The following PRPSAP2 variants were observed in gnomAD, a reference collection of about 807,000 sequenced individuals.
PRPSAP2 encodes the protein phosphoribosyl pyrophosphate synthase-associated protein 2.
Under a neutral mutation model 40.6 loss-of-function variants are expected in PRPSAP2, and 24 were observed. That is an observed-to-expected ratio of 0.59 (90% CI 0.43 to 0.83). The LOEUF (loss-of-function observed/expected upper bound fraction) is 0.83. PRPSAP2 is among the 40% of genes least tolerant of loss of function. The probability of loss-of-function intolerance (pLI) is 0.00; values close to 1 mark genes in which losing one functional copy is unlikely to be tolerated. For synonymous variants in PRPSAP2, 149 were observed against 164.7 expected, an observed-to-expected ratio of 0.90 and a Z score of 0.73; for missense variants, 292 against 465.6, an observed-to-expected ratio of 0.63 and a Z score of 3.43.
chr17:18,927,702 T>C (rs189651312), intron 10 of PRPSAP2, among the ~76,000 whole-genome samples: 55 of 152,314 alleles, frequency 3.6e-4, no homozygotes, highest in African/African-American at 1.3e-3. Flanking sequence ...AGATATACTC[T>C]TATAAGAGAC....
At chr17:18,926,235 C>CTTT (rs2041960735) in intron 10 of PRPSAP2, among the ~76,000 whole-genome samples, 1 of 129,816 alleles carries the variant, frequency 7.7e-6, no homozygotes, top group African/African-American at 2.9e-5. Context: ...AGTGCCACTG[C>CTTT]ATTATTTATT....
At chr17:18,867,673 G>A (rs1349861014) in intron 4 of PRPSAP2, among the ~76,000 whole-genome samples, 1 of 152,124 alleles carries the variant, frequency 6.6e-6, no homozygotes, top group Admixed American at 6.5e-5. Flanking sequence ...AGTAAATCCT[G>A]TCACCTTAGA....
chr17:18,920,027 G>A (rs531621526), intron 9 of PRPSAP2, among the ~76,000 whole-genome samples: 1 of 152,148 alleles, frequency 6.6e-6, no homozygotes, highest in East Asian at 1.9e-4. Flanking sequence ...TGTTGGTGCT[G>A]GGGGGTAGGC....
Position 18,865,927 on chromosome 17 carries a change from A to T in PRPSAP2, c.94A>T (p.Met32Leu). Residue 32 changes from methionine to leucine, a missense_variant, in exon 3 of 12, where the codon ATG (methionine) becomes TTG (leucine). Physicochemically the swap from Met to Leu is conservative, Grantham distance 15 (BLOSUM62 2). This residue lies in a region of PRPSAP2 where 51 missense variants were observed against 40.0 expected (regional missense o/e 1.28). Coordinates refer to ENST00000268835, the MANE Select transcript of PRPSAP2 (RefSeq NM_002767.4). ...TTCAGCAAACTCGAATTCATCATGT[A>T]TGGAGCTATCAAAGAAAATTGCAGA... ...LFSANSNSSC[M>L]ELSKKIAERL... 1 of 1,485,006 alleles carries T rather than the reference A, an allele frequency of 6.7e-7. No individual in the cohort carries two copies. The highest frequency in any genetic ancestry group is 9.1e-7 in the Non-Finnish European group (1 of 1,103,368). The allele number at this position is 1,485,006 out of a possible 1,614,324, so 92.0% of individuals were successfully genotyped here.
rs755179012 is a variant in PRPSAP2, at chr17:18,882,533, A to C, written c.413-35A>C. 11 of 1,382,058 alleles carry C rather than the reference A, an allele frequency of 8.0e-6. No homozygotes were observed. In the East Asian group the frequency reaches 2.5e-4, roughly 32 times the overall value. 85.6% of individuals were successfully genotyped at this position (1,382,058 alleles called of 1,614,324 possible). On this transcript the variant is annotated intron_variant, in intron 6 of 11. Transcript: ENST00000268835. ...CTTAAAAAAAAAAAACAAAAACAAA[A>C]CTATTTATTGCTTGTGTCTGCTTTA...
upstream of PRPSAP2, chr17:18,856,304 C>A (rs1430273045): frequency 1.3e-5 from 2 of 152,176 alleles, no homozygotes; most frequent in African/African-American, 4.8e-5. Context: ...CAGTCACATG[C>A]CAACATGTGA....
intron 6 of PRPSAP2, among the ~76,000 whole-genome samples, chr17:18,882,354 A>G (rs1456029012): frequency 6.6e-6 from 1 of 151,886 alleles, no homozygotes; most frequent in Admixed American, 6.6e-5. Context: ...TCTACTAAAA[A>G]TACAGAATTA....
chr17:18,892,469 C>A (rs1331248677), intron 8 of PRPSAP2, among the ~76,000 whole-genome samples: 1 of 152,186 alleles, frequency 6.6e-6, no homozygotes, highest in Non-Finnish European at 1.5e-5. Context: ...GTTCCAACTT[C>A]TCCACATCTT....
chr17:18,877,954 C>T (rs1043801957), intron 6 of PRPSAP2, 84 bp downstream of exon 6: 5 of 1,399,844 alleles, frequency 3.6e-6, no homozygotes, highest in Non-Finnish European at 4.9e-6. Context: ...CAGGGTCTTG[C>T]CCTGTCACCT....
At chr17:18,925,241 T>C (rs1339333130) in intron 10 of PRPSAP2, among the ~76,000 whole-genome samples, 2 of 152,150 alleles carry the variant, frequency 1.3e-5, no homozygotes, top group African/African-American at 4.8e-5. Context: ...TTTTAAAGAA[T>C]AGAATGAACA....
intron 9 of PRPSAP2, among the ~76,000 whole-genome samples, chr17:18,916,773 G>A (rs1459788878): frequency 1.3e-5 from 2 of 152,232 alleles, no homozygotes; most frequent in African/African-American, 4.8e-5. Context: ...ATTGGTGTCT[G>A]ATGAGGGCTC....
At chr17:18,888,098 A>G (rs1828862757) in intron 7 of PRPSAP2, among the ~76,000 whole-genome samples, 1 of 42,306 alleles carries the variant, frequency 2.4e-5, no homozygotes, top group African/African-American at 1.0e-4. Flanking sequence ...CACATCTTGC[A>G]CCGCCCTTAA....
rs1210228907 is a variant in PRPSAP2, at chr17:18,862,827, A to ATTTG, written c.-128-2639_-128-2638insGTTT. Among the ~76,000 whole-genome samples, 28 of 145,790 alleles carry ATTTG rather than the reference A, an allele frequency of 1.9e-4. 1 individual carries two copies. The highest frequency in any genetic ancestry group is 6.0e-4 in the African/African-American group (24 of 39,816). ...TATTTATTTATTTATTTATTTATTT[A>ATTTG]TTTATTTTTCTGAGACAGAGTCTCG... On this transcript the variant is annotated intron_variant, in intron 1 of 11. Transcript: ENST00000268835.
Position 18,930,538 on chromosome 17 carries a change from A to C in PRPSAP2, c.952-2A>C. 6.2e-7 allele frequency: 1 copy of C among 1,610,504 alleles called. No homozygotes were observed. On this transcript the variant is annotated splice_acceptor_variant, in intron 11 of 11. Coordinates refer to ENST00000268835, the MANE Select transcript of PRPSAP2 (RefSeq NM_002767.4). LOFTEE classifies it high-confidence loss of function. ...TGTGGTTTTTTTTCTTTTGCTTCAC[A>C]GGTGGTGGTCACCAATACAATTCCA...
At chr17:18,876,205 T>G (rs1291604011) in intron 5 of PRPSAP2, among the ~76,000 whole-genome samples, 1 of 152,206 alleles carries the variant, frequency 6.6e-6, no homozygotes, top group Non-Finnish European at 1.5e-5. Flanking sequence ...TACAGATTAG[T>G]GCTAGCACTA....
In PRPSAP2 at chr17:18,867,681, A is replaced by G. The variant is rs369053862; in HGVS notation, c.172+347A>G. Among the ~76,000 whole-genome samples the G allele has an allele frequency of 2.6e-5, 4 of 152,336 alleles. No homozygotes were observed. The East Asian group carries it at 5.8e-4, about 22-fold the overall frequency. On this transcript the variant is annotated intron_variant, in intron 4 of 11. Transcript: ENST00000268835. ...AAGGATGAGTAAATCCTGTCACCTTAGACAGGATGACTAAATCCTGTGTGA... is the reference window on the plus strand; with the variant it reads ...AAGGATGAGTAAATCCTGTCACCTTGGACAGGATGACTAAATCCTGTGTGA...
Position 18,914,249 on chromosome 17 carries a change from C to CTTTTTTTTTTTTTTTTTTTTTTTT in PRPSAP2, c.733+3001_733+3024dup, listed in dbSNP as rs60892883. Among the ~76,000 whole-genome samples, 5 of 48,088 alleles carry CTTTTTTTTTTTTTTTTTTTTTTTT rather than the reference C, an allele frequency of 1.0e-4. 1 individual carries two copies. Among genetic ancestry groups the CTTTTTTTTTTTTTTTTTTTTTTTT allele is most frequent in the Non-Finnish European group, 1.7e-4 (5 of 29,026 alleles). The allele number at this position is 48,088 out of a possible 152,430, so 31.5% of individuals were successfully genotyped here. A position where few individuals can be genotyped will look rare whatever the true frequency, so the allele number is the denominator to read the frequency against. On this transcript the variant is annotated intron_variant, in intron 9 of 11. Coordinates refer to ENST00000268835, the MANE Select transcript of PRPSAP2 (RefSeq NM_002767.4). ...GAGTTCTGTCCTGAACATGTTTTTG[C>CTTTTTTTTTTTTTTTTTTTTTTTT]TTTTTTTTTTTTTTTTTTTTTTTTT...
intron 6 of PRPSAP2, among the ~76,000 whole-genome samples, chr17:18,879,829 G>T (rs1448513897): frequency 6.6e-6 from 1 of 151,468 alleles, no homozygotes; most frequent in African/African-American, 2.4e-5. Flanking sequence ...GCAGGGTGTG[G>T]TGGCTCACGC....
chr17:18,884,558 T>G (rs1467145356), intron 7 of PRPSAP2, among the ~76,000 whole-genome samples: 1 of 152,142 alleles, frequency 6.6e-6, no homozygotes, highest in African/African-American at 2.4e-5. Context: ...CAGGCTGGTC[T>G]CAAACTCCTG....
Sources: allele counts gnomAD v4.1 joint callset (sites outside exome capture counted in the v4.1 genomes callset), GRCh38; gene constraint gnomAD v4.1.1; regional missense constraint gnomAD v4.1.1; transcripts MANE v1.5; gene names NCBI Gene and HGNC (gene_info 2026-07-23, HGNC 2026-07-21).